Variants in SLC17A1 observed in about 807,000 individuals in gnomAD.
The protein encoded by SLC17A1 is solute carrier family 17 member 1, also known as sodium-dependent phosphate transport protein 1.
A neutral mutation model predicts 53.5 loss-of-function variants in SLC17A1; 51 were observed. The ratio of observed to expected loss-of-function variants is 0.95; its 90% CI spans 0.76 to 1.20. The LOEUF (loss-of-function observed/expected upper bound fraction) is 1.20. SLC17A1 is among the 50% of genes most tolerant of loss of function. The pLI, the probability that SLC17A1 is intolerant of heterozygous loss-of-function variation, is 0.00. For synonymous variants in SLC17A1, 179 were observed against 198.8 expected (o/e 0.90, Z 0.84); for missense variants, 538 against 568.2 (o/e 0.95, Z 0.54).
At chr6:25,786,456 C>G (rs1002280889) in intron 12 of SLC17A1, among the ~76,000 whole-genome samples, 6 of 152,066 alleles carry the variant, frequency 3.9e-5, no homozygotes, top group Admixed American at 3.9e-4. Flanking sequence ...TTTTGTTGGA[C>G]CAGAGGCTAC....
downstream of SLC17A1, chr6:25,777,993 G>T (rs762997366): frequency 6.2e-7 from 1 of 1,612,508 alleles, no homozygotes; most frequent in Non-Finnish European, 8.5e-7. Flanking sequence ...CTCTCCTACT[G>T]CTGCTGGATT....
At chr6:25,796,798 C>A (rs1235850976) in intron 12 of SLC17A1, among the ~76,000 whole-genome samples, 1 of 152,176 alleles carries the variant, frequency 6.6e-6, no homozygotes, top group Non-Finnish European at 1.5e-5. Context: ...ATCATCTGCT[C>A]ATAATGATAA....
chr6:25,818,968 A>G, intron 6 of SLC17A1, 100 bp downstream of exon 6: 1 of 751,454 alleles, frequency 1.3e-6, no homozygotes, highest in Non-Finnish European at 2.1e-6. Flanking sequence ...CATGATTTTT[A>G]ATATTAACTT....
downstream of SLC17A1, chr6:25,778,021 G>A (rs1763080088): frequency 6.2e-7 from 1 of 1,609,488 alleles, no homozygotes; most frequent in Non-Finnish European, 8.5e-7. Context: ...AGTCAGGTGA[G>A]GTCAAATGTT....
At chr6:25,830,399 AC>A (rs1292318189) in intron 2 of SLC17A1, 124 bp downstream of exon 2, 2 of 718,556 alleles carry the variant, frequency 2.8e-6, no homozygotes, top group East Asian at 5.0e-5. Flanking sequence ...GGTTTCTTCT[AC>A]CTTCTTTTCT....
intron 3 of SLC17A1, among the ~76,000 whole-genome samples, chr6:25,825,602 G>A (rs945656899): frequency 1.3e-5 from 2 of 151,774 alleles, no homozygotes; most frequent in Admixed American, 1.3e-4. Context: ...TTTAAATATG[G>A]TATGCCTAGG....
At chr6:25,726,424 A>G in the SLC17A1 span, 3 of 1,614,078 alleles carry the variant, frequency 1.9e-6, no homozygotes, top group African/African-American at 1.3e-5. Flanking sequence ...TCCCTTACGA[A>G]GCAGACGATG....
intron 12 of SLC17A1, among the ~76,000 whole-genome samples, chr6:25,794,503 T>C (rs1207205395): frequency 6.6e-6 from 1 of 152,190 alleles, no homozygotes; most frequent in Non-Finnish European, 1.5e-5. Flanking sequence ...ATGCCCCTTA[T>C]TCAGCTATTG....
the SLC17A1 span, among the ~76,000 whole-genome samples, chr6:25,741,967 G>T: frequency 6.6e-6 from 1 of 152,150 alleles, no homozygotes; most frequent in Non-Finnish European, 1.5e-5. Context: ...CAAACTGAGG[G>T]TCTCAAACTT....
intron 3 of SLC17A1, among the ~76,000 whole-genome samples, chr6:25,821,879 A>G (rs1424155524): frequency 6.6e-6 from 1 of 152,096 alleles, no homozygotes; most frequent in African/African-American, 2.4e-5. Context: ...ATATAAATGA[A>G]TAAGAAATAT....
intron 6 of SLC17A1, among the ~76,000 whole-genome samples, chr6:25,818,260 A>G (rs1764428752): frequency 6.6e-6 from 1 of 152,148 alleles, no homozygotes; most frequent in Non-Finnish European, 1.5e-5. Flanking sequence ...TTTATGAAAA[A>G]TCATGAGTTC....
chr6:25,726,298 G>A, the SLC17A1 span: 21 of 1,613,986 alleles, frequency 1.3e-5, no homozygotes, highest in Non-Finnish European at 2.5e-6. Flanking sequence ...AATAATGCGA[G>A]TTTTTTTGTT....
intron 12 of SLC17A1, among the ~76,000 whole-genome samples, chr6:25,789,298 A>AAACAAAC (rs1763451308): frequency 6.6e-6 from 1 of 152,200 alleles, no homozygotes; most frequent in Non-Finnish European, 1.5e-5. Context: ...CAAAGTAAAC[A>AAACAAAC]AAAATAGTAA....
At chr6:25,802,557 T>C (rs1763812487) in intron 10 of SLC17A1, among the ~76,000 whole-genome samples, 1 of 152,230 alleles carries the variant, frequency 6.6e-6, no homozygotes, top group African/African-American at 2.4e-5. Context: ...TGGAGGTCTA[T>C]GGCTGCTGAA....
chr6:25,736,689 C>G, the SLC17A1 span, among the ~76,000 whole-genome samples: 1 of 152,126 alleles, frequency 6.6e-6, no homozygotes, highest in African/African-American at 2.4e-5. Context: ...AGGTCTGACT[C>G]TCAGTGTCTT....
At chr6:25,761,833 A>T in the SLC17A1 span, 3 of 678,824 alleles carry the variant, frequency 4.4e-6, no homozygotes, top group South Asian at 2.2e-5. Context: ...CACTTTTCTT[A>T]TACAGCAACA....
the SLC17A1 span, chr6:25,770,789 G>A: frequency 4.2e-6 from 3 of 716,478 alleles, no homozygotes; most frequent in Non-Finnish European, 7.4e-6. Context: ...AGATCACATA[G>A]TTACCAAGTG....
chr6:25,805,831 C>A (rs1300048037), intron 10 of SLC17A1, among the ~76,000 whole-genome samples: 1 of 151,856 alleles, frequency 6.6e-6, no homozygotes. Flanking sequence ...AAAATAGAAA[C>A]CCTGAACAGA....
At chr6:25,787,236 C>T (rs746552241) in intron 12 of SLC17A1, among the ~76,000 whole-genome samples, 23 of 151,852 alleles carry the variant, frequency 1.5e-4, no homozygotes, top group Non-Finnish European at 1.0e-4. Flanking sequence ...ATCTGAAATT[C>T]CAGCACTTTA....
Sources: gnomAD v4.1 joint callset for allele counts (sites outside exome capture counted in the v4.1 genomes callset) on GRCh38, gnomAD v4.1.1 for gene constraint, MANE v1.5 for transcripts, NCBI Gene and HGNC (gene_info 2026-07-23, HGNC 2026-07-21) for gene names.